Variants in TNS3 observed in about 807,000 individuals in gnomAD.
The protein encoded by TNS3 is tensin-3.
A neutral mutation model predicts 140.9 loss-of-function variants in TNS3; 45 were observed. That is an observed-to-expected ratio of 0.32 (90% CI 0.25 to 0.41). The LOEUF (loss-of-function observed/expected upper bound fraction) is 0.41, where lower values mean the gene tolerates loss of function less well. Among genes scored for constraint, TNS3 ranks in the 10% least tolerant of loss-of-function variants. TNS3 has a pLI of 1.00. For missense variants in TNS3, 1,716 were observed against 1,906.7 expected, an observed-to-expected ratio of 0.90 and a Z score of 1.86; for synonymous variants, 815 against 788.4, an observed-to-expected ratio of 1.03 and a Z score of -0.56.
intron 30 of TNS3, 105 bp downstream of exon 30, chr7:47,280,059 A>G: frequency 1.5e-6 from 2 of 1,306,030 alleles, no homozygotes; most frequent in Non-Finnish European, 2.2e-6. Flanking sequence ...GGCATGGTGT[A>G]GTCATTTTCT....
intron 1 of TNS3, among the ~76,000 whole-genome samples, chr7:47,563,944 AGCACTTTGGGAGGCCAAGATGG>A (rs539676780): frequency 1.3e-5 from 2 of 152,326 alleles, no homozygotes; most frequent in Admixed American, 1.3e-4. Context: ...CTGTAATCCC[AGCACTTTGGGAGGCCAAGATGG>A]GCAGATCACG....
intron 1 of TNS3, among the ~76,000 whole-genome samples, chr7:47,561,962 C>A (rs1239924855): frequency 1.3e-5 from 2 of 152,242 alleles, no homozygotes; most frequent in African/African-American, 4.8e-5. Flanking sequence ...TTCCTTTAAA[C>A]CACTAAGTTA....
rs115811231 is a variant in TNS3, at chr7:47,534,567, G to A, written c.-264-5420C>T. On this transcript the variant is annotated intron_variant, in intron 1 of 30. Coordinates refer to ENST00000311160, the MANE Select transcript of TNS3 (RefSeq NM_022748.12). The stretch of plus-strand genomic sequence containing the variant: ...ACCTGGAGGTTGAATCAGAACACTG[G>A]AATGTTGTCAAACCCCCCACCCCAG... Among the ~76,000 whole-genome samples the A allele has an allele frequency of 5.1e-3, 781 of 152,230 alleles. 6 individuals are homozygous for A. The highest frequency in any genetic ancestry group is 0.018 in the African/African-American group (751 of 41,534).
chr7:47,444,787 C>CA lies in TNS3; in HGVS notation c.-75-2733dup, dbSNP rs199640038. Among the ~76,000 whole-genome samples, 33 of 151,846 alleles carry CA rather than the reference C, an allele frequency of 2.2e-4. 1 individual carries two copies. In the South Asian group the frequency reaches 2.9e-3, roughly 13 times the overall value. On this transcript the variant is annotated intron_variant, in intron 4 of 30. Coordinates refer to ENST00000311160, the MANE Select transcript of TNS3 (RefSeq NM_022748.12). ...AAACCATACAAATTGCAACCACTGC[C>CA]AAAAAAACAAACAAAAAAAACCTTT...
rs947549684 is a variant in TNS3, at chr7:47,306,667, C to T, written c.2651-1664G>A. 6.6e-5 allele frequency among the ~76,000 whole-genome samples: 10 copies of T among 152,158 alleles called. No individual in the cohort carries two copies. The East Asian group carries it at 7.7e-4, about 12-fold the overall frequency. On this transcript the variant is annotated intron_variant, in intron 20 of 30. Transcript: ENST00000311160. The stretch of plus-strand genomic sequence containing the variant: ...TCGACTCACTGCAAGCTCCACCTCC[C>T]GCGTTCACGCCATTCTCCTGCCTCG...
intron 2 of TNS3, among the ~76,000 whole-genome samples, chr7:47,517,003 C>T (rs1048133102): frequency 6.6e-6 from 1 of 152,212 alleles, no homozygotes; most frequent in Non-Finnish European, 1.5e-5. Context: ...GCGGAGGTTG[C>T]AGTGAGCCAA....
chr7:47,293,588 G>A, intron 25 of TNS3, 145 bp downstream of exon 25: 1 of 679,112 alleles, frequency 1.5e-6, no homozygotes, highest in Non-Finnish European at 2.6e-6. Flanking sequence ...AGATAATAAT[G>A]CAGATCAGCA....
chr7:47,573,784 C>T (rs547067594), intron 1 of TNS3, among the ~76,000 whole-genome samples: 139 of 152,332 alleles, frequency 9.1e-4, no homozygotes, highest in African/African-American at 3.1e-3. Context: ...CCTTGAGCCC[C>T]CAAATCCCAC....
chr7:47,496,978 A>T (rs893400424), intron 3 of TNS3, among the ~76,000 whole-genome samples: 1 of 152,152 alleles, frequency 6.6e-6, no homozygotes, highest in Non-Finnish European at 1.5e-5. Flanking sequence ...AGCAAGAGGC[A>T]CTTGGATTCC....
Position 47,450,186 on chromosome 7 carries a change from A to G in TNS3, c.-75-8131T>C, listed in dbSNP as rs73695334. Among the ~76,000 whole-genome samples the G allele has an allele frequency of 4.7e-3, 718 of 152,382 alleles. 3 individuals carry two copies. The highest frequency in any genetic ancestry group is 0.016 in the African/African-American group (683 of 41,590). ...ATGAGGATGCTGTTATTAGATTTCAATAACAGACAGCTAGTTAGCTTTAGT... is the reference window on the plus strand; with the variant it reads ...ATGAGGATGCTGTTATTAGATTTCAGTAACAGACAGCTAGTTAGCTTTAGT... On this transcript the variant is annotated intron_variant, in intron 4 of 30. Transcript: ENST00000311160.
chr7:47,397,192 T>C (rs1274692433), intron 15 of TNS3, among the ~76,000 whole-genome samples: 5 of 152,162 alleles, frequency 3.3e-5, no homozygotes, highest in African/African-American at 1.2e-4. Flanking sequence ...TCAGACCACC[T>C]CACTGATGAG....
At chr7:47,566,060 G>GGTTCT (rs1440841113) in intron 1 of TNS3, among the ~76,000 whole-genome samples, 4 of 152,172 alleles carry the variant, frequency 2.6e-5, no homozygotes, top group African/African-American at 9.7e-5. Flanking sequence ...CCAGATGAGT[G>GGTTCT]GTTCTAAACC....
At chr7:47,466,321 T>G (rs1796714160) in intron 4 of TNS3, among the ~76,000 whole-genome samples, 1 of 151,888 alleles carries the variant, frequency 6.6e-6, no homozygotes, top group South Asian at 2.1e-4. Flanking sequence ...ACCAGCTAAT[T>G]TTTGTATTTT....
intron 20 of TNS3, among the ~76,000 whole-genome samples, chr7:47,338,085 G>A (rs1365606644): frequency 1.7e-5 from 2 of 119,366 alleles, no homozygotes; most frequent in African/African-American, 5.1e-5. Context: ...TGGTATTGAG[G>A]TACTACAATT....
At chr7:47,282,300 A>C (rs1377205692) in intron 28 of TNS3, among the ~76,000 whole-genome samples, 1 of 150,990 alleles carries the variant, frequency 6.6e-6, no homozygotes, top group Non-Finnish European at 1.5e-5. Flanking sequence ...CCTGACCCTG[A>C]GTCTACCATG....
chr7:47,548,222 C>T (rs670202), intron 1 of TNS3, among the ~76,000 whole-genome samples: 150,845 of 152,252 alleles, frequency 0.99, 74,736 homozygotes, highest in East Asian at 1. Flanking sequence ...CTAACCTTCA[C>T]GTTTTTCTTG....
At chr7:47,348,662 T>A (rs1789489201) in intron 17 of TNS3, among the ~76,000 whole-genome samples, 1 of 152,186 alleles carries the variant, frequency 6.6e-6, no homozygotes, top group Non-Finnish European at 1.5e-5. Flanking sequence ...AATTATTATG[T>A]CTCAACTAAA....
chr7:47,553,278 A>G (rs1584851051), intron 1 of TNS3, among the ~76,000 whole-genome samples: 1 of 152,270 alleles, frequency 6.6e-6, no homozygotes, highest in African/African-American at 2.4e-5. Context: ...ACTAAACAAC[A>G]GATTTCAATG....
intron 3 of TNS3, among the ~76,000 whole-genome samples, chr7:47,501,182 AAGGAAGGGAGGG>A (rs1231887621): frequency 4.3e-4 from 52 of 122,170 alleles, no homozygotes; most frequent in Middle Eastern, 3.6e-3. Context: ...GAGAGGAAGG[AAGGAAGGGAGGG>A]AGGGAGGGAG....
Sources: allele counts gnomAD v4.1 joint callset (sites outside exome capture counted in the v4.1 genomes callset), GRCh38; gene constraint gnomAD v4.1.1; transcripts MANE v1.5; gene names NCBI Gene and HGNC (gene_info 2026-07-23, HGNC 2026-07-21).